Variants in MYBPC2 observed in about 807,000 individuals in gnomAD.
MYBPC2 encodes the protein myosin binding protein C2.
Under a neutral mutation model 137.0 loss-of-function variants are expected in MYBPC2, and 122 were observed. That is an observed-to-expected ratio of 0.89 (90% CI 0.77 to 1.03). The LOEUF (loss-of-function observed/expected upper bound fraction) is 1.03, where lower values mean the gene tolerates loss of function less well. MYBPC2 is among the 50% of genes least tolerant of loss of function. The probability of loss-of-function intolerance (pLI) is 0.00; values close to 1 mark genes in which losing one functional copy is unlikely to be tolerated. For missense variants in MYBPC2, 1,500 were observed against 1,534.4 expected (o/e 0.98, Z 0.37); for synonymous variants, 626 against 612.3 (o/e 1.02, Z -0.33).
chr19:50,445,453 C>G (rs899916549), intron 11 of MYBPC2, among the ~76,000 whole-genome samples: 1 of 149,774 alleles, frequency 6.7e-6, no homozygotes, highest in Admixed American at 6.7e-5. Flanking sequence ...AGTGCAATTG[C>G]GTGATCTTGG....
chr19:50,454,940 C>T (rs2039894575), intron 18 of MYBPC2, among the ~76,000 whole-genome samples, 168 bp from the exon 19 acceptor site: 1 of 152,128 alleles, frequency 6.6e-6, no homozygotes. Context: ...TTCCTGACTC[C>T]AGGACTGGTG....
At chr19:50,434,295 T>G (rs1371733278) in intron 1 of MYBPC2, among the ~76,000 whole-genome samples, 2 of 152,064 alleles carry the variant, frequency 1.3e-5, no homozygotes, top group East Asian at 3.9e-4. Flanking sequence ...AGACGGAGGT[T>G]GCAGTGAGCC....
Position 50,466,226 on chromosome 19 carries a change from A to G in MYBPC2, c.*21A>G. 1 of 1,613,892 alleles carries G rather than the reference A, an allele frequency of 6.2e-7. No individual in the cohort carries two copies. Among genetic ancestry groups the G allele is most frequent in the Non-Finnish European group, 8.5e-7 (1 of 1,179,860 alleles). On this transcript the variant is annotated 3_prime_UTR_variant, in exon 28 of 28. Transcript: ENST00000357701. This position sits in a 1 kb window ranked among gnomAD's most constrained non-coding sequence, Gnocchi z 4.9. Reference sequence around the variant, plus strand: ...AGTGAGACCTGTCCCCTACCTGCCAAGACAATTGGTGGTGGAGTCCTGACC... The same window carrying G: ...AGTGAGACCTGTCCCCTACCTGCCAGGACAATTGGTGGTGGAGTCCTGACC...
chr19:50,456,079 ACCGTCCAT>A (rs1353912295), intron 20 of MYBPC2, among the ~76,000 whole-genome samples: 76 of 118,586 alleles, frequency 6.4e-4, no homozygotes, highest in African/African-American at 2.5e-3. Flanking sequence ...CATTCATCTT[ACCGTCCAT>A]CCATCCATCC....
intron 7 of MYBPC2, among the ~76,000 whole-genome samples, chr19:50,438,209 G>A (rs765452848): frequency 3.4e-4 from 51 of 152,058 alleles, no homozygotes; most frequent in African/African-American, 9.4e-4. Context: ...ATATCCATCC[G>A]TTAACCACCA....
intron 12 of MYBPC2, among the ~76,000 whole-genome samples, chr19:50,447,918 C>T (rs966193735): frequency 1.9e-4 from 29 of 152,010 alleles, no homozygotes; most frequent in African/African-American, 6.5e-4. Context: ...GGATTACAGG[C>T]GTGAACCACT....
chr19:50,446,780 C>G lies in MYBPC2; in HGVS notation c.1306+728C>G, dbSNP rs139602144. On this transcript the variant is annotated intron_variant, in intron 12 of 27. Coordinates refer to ENST00000357701, the MANE Select transcript of MYBPC2 (RefSeq NM_004533.4). The stretch of plus-strand genomic sequence containing the variant: ...GGTTGTGGTGAGCCGAGATTGCACA[C>G]TGCACTCCAGCCTGGGCAACAGAGT... Among the ~76,000 whole-genome samples the G allele has an allele frequency of 3.9e-3, 577 of 146,256 alleles. 5 individuals are homozygous for G. The highest frequency in any genetic ancestry group is 0.014 in the African/African-American group (555 of 39,144).
chr19:50,457,925 C>T (rs2039928665), intron 20 of MYBPC2, among the ~76,000 whole-genome samples: 1 of 151,304 alleles, frequency 6.6e-6, no homozygotes, highest in African/African-American at 2.4e-5. Flanking sequence ...AGTGATCTGC[C>T]CACCTCAGCC....
At chr19:50,462,749 G>GT (rs1288659627) in intron 26 of MYBPC2, among the ~76,000 whole-genome samples, 1 of 151,650 alleles carries the variant, frequency 6.6e-6, no homozygotes. Context: ...GCTAAATTTT[G>GT]TATTTTTAGT....
rs2039884074 is a variant in MYBPC2, at chr19:50,454,022, A to G, written c.1752A>G (p.Val584=). 2 of 1,595,784 alleles carry G rather than the reference A, an allele frequency of 1.3e-6. No individual in the cohort carries two copies. The highest frequency in any genetic ancestry group is 4.6e-5 in the East Asian group (2 of 43,930). Reference sequence around the variant, plus strand: ...GGCCATCTGGTGGCTGCGTTCAGGTATTCACGACCACCGAGGGCAGGACCC... The same window carrying G: ...GGCCATCTGGTGGCTGCGTTCAGGTGTTCACGACCACCGAGGGCAGGACCC... ...PVATWLKGDE[V]FTTTEGRTRI... The change falls in exon 17 of 28, where the codon GTA becomes GTG. Residue 584 remains valine, a splice_region_variant and synonymous_variant. Coordinates refer to ENST00000357701, the MANE Select transcript of MYBPC2 (RefSeq NM_004533.4).
chr19:50,456,366 GTCCATCCATCTATCCA>G (rs1390328051), intron 20 of MYBPC2, among the ~76,000 whole-genome samples: 2 of 103,538 alleles, frequency 1.9e-5, no homozygotes, highest in Non-Finnish European at 3.7e-5. Flanking sequence ...CCATCCATCT[GTCCATCCATCTATCCA>G]TCCATCCATC....
chr19:50,465,077 T>G lies in MYBPC2; in HGVS notation c.3415+545T>G, dbSNP rs1365607351. ...GCCTCCGTCTCCAGTCTCTCCCTCC[T>G]GCCAGCCACTTTCACCCTTGGACTC... On this transcript the variant is annotated intron_variant, in intron 27 of 27. Transcript: ENST00000357701. The surrounding 1 kb of genome is among the most constrained non-coding windows in gnomAD (Gnocchi z 4.5). 6.6e-6 allele frequency among the ~76,000 whole-genome samples: 1 copy of G among 152,066 alleles called. No individual in the cohort carries two copies. Among genetic ancestry groups the G allele is most frequent in the Non-Finnish European group, 1.5e-5 (1 of 67,998 alleles).
intron 26 of MYBPC2, among the ~76,000 whole-genome samples, chr19:50,462,850 C>T (rs1421782153): frequency 2.5e-5 from 3 of 118,308 alleles, no homozygotes; most frequent in Non-Finnish European, 5.7e-5. Flanking sequence ...CTCCTGGCCT[C>T]TTGCCTTTTT....
At chr19:50,447,059 C>T (rs2039812688) in intron 12 of MYBPC2, among the ~76,000 whole-genome samples, 1 of 151,952 alleles carries the variant, frequency 6.6e-6, no homozygotes, top group Non-Finnish European at 1.5e-5. Flanking sequence ...CCAGGCCTTC[C>T]TTCCCTCATG....
chr19:50,433,584 C>A (rs183534427), intron 1 of MYBPC2, among the ~76,000 whole-genome samples: 2 of 151,958 alleles, frequency 1.3e-5, no homozygotes, highest in Admixed American at 6.6e-5. Context: ...TTAATAGAGA[C>A]GGGTTTCGCC....
intron 13 of MYBPC2, 42 bp downstream of exon 13, chr19:50,448,432 A>G (rs2445835): frequency 0.44 from 711,973 of 1,601,218 alleles, 160,702 homozygotes; most frequent in African/African-American, 0.65. Flanking sequence ...TAGGGTGTGC[A>G]TAGCAGTTAG....
intron 1 of MYBPC2, among the ~76,000 whole-genome samples, chr19:50,434,685 G>A (rs995057236): frequency 2.0e-5 from 3 of 152,200 alleles, no homozygotes; most frequent in Non-Finnish European, 4.4e-5. Context: ...CCCCCTCCTG[G>A]GATGTCTGGT....
intron 15 of MYBPC2, 42 bp downstream of exon 15, chr19:50,451,351 A>T: frequency 1.2e-6 from 2 of 1,600,272 alleles, no homozygotes; most frequent in Non-Finnish European, 1.7e-6. Flanking sequence ...CTGAGGGAGG[A>T]GGGACCGGGC....
At position 50,455,604 on chromosome 19, in the gene MYBPC2, T is replaced by C. The variant is rs1601294010; in HGVS notation, c.2298T>C (p.Gly766=). The change falls in exon 20 of 28, where the codon GGT becomes GGC. Residue 766 remains glycine, a synonymous_variant. Coordinates refer to ENST00000357701, the MANE Select transcript of MYBPC2 (RefSeq NM_004533.4). The part of the protein sequence containing the change: ...KWRPPNRIGA[G]GIDGYLVEYC... ...GGCCTCCGAACAGGATCGGGGCAGG[T>C]GGCATCGATGGGTACCTGGTGGAGT... The C allele has an allele frequency of 1.9e-6, 3 of 1,613,776 alleles. No individual in the cohort carries two copies. Among genetic ancestry groups the C allele is most frequent in the Non-Finnish European group, 2.5e-6 (3 of 1,179,880 alleles).
Sources: allele counts gnomAD v4.1 joint callset (sites outside exome capture counted in the v4.1 genomes callset), GRCh38; gene constraint gnomAD v4.1.1; non-coding constraint Gnocchi (gnomAD v3.1); transcripts MANE v1.5; gene names NCBI Gene and HGNC (gene_info 2026-07-23, HGNC 2026-07-21).